Variants in SCTR observed in about 807,000 individuals in gnomAD.
The protein encoded by SCTR is pancreatic secretin receptor.
A neutral mutation model predicts 60.8 loss-of-function variants in SCTR; 56 were observed. The ratio of observed to expected loss-of-function variants is 0.92; its 90% CI spans 0.74 to 1.15. The LOEUF (loss-of-function observed/expected upper bound fraction) is 1.15, where lower values mean the gene tolerates loss of function less well. Ranked by LOEUF, SCTR falls within the 50% of genes most tolerant of loss-of-function variation. The pLI, the probability that SCTR is intolerant of heterozygous loss-of-function variation, is 0.00. For missense variants in SCTR, 562 were observed against 550.4 expected (o/e 1.02, Z -0.21); for synonymous variants, 202 against 217.0 (o/e 0.93, Z 0.61).
At chr2:119,513,954 G>C (rs1162467598) in intron 1 of SCTR, among the ~76,000 whole-genome samples, 1 of 152,146 alleles carries the variant, frequency 6.6e-6, no homozygotes, top group African/African-American at 2.4e-5. Flanking sequence ...ATAAAACTAT[G>C]GTAATTTTTT....
Position 119,524,427 on chromosome 2 carries a change from C to G in SCTR, c.-201G>C. 2.6e-6 allele frequency: 1 copy of G among 380,228 alleles called. No homozygotes were observed. The highest frequency in any genetic ancestry group is 6.9e-4 in the Middle Eastern group (1 of 1,448). The allele number at this position is 380,228 out of a possible 1,614,324, so 23.6% of individuals were successfully genotyped here. ...AGGTGGCCGCGCGCGCTAAGCCGCCCGCCCCATTGATCAGGACGCGGCTTT... is the reference window on the plus strand; with the variant it reads ...AGGTGGCCGCGCGCGCTAAGCCGCCGGCCCCATTGATCAGGACGCGGCTTT... On this transcript the variant is annotated 5_prime_UTR_variant, in exon 1 of 13. Transcript: ENST00000019103.
intron 2 of SCTR, among the ~76,000 whole-genome samples, chr2:119,488,525 AGATGACC>A (rs1343838102): frequency 2.6e-5 from 4 of 152,250 alleles, no homozygotes; most frequent in Non-Finnish European, 5.9e-5. Flanking sequence ...TAGGGAAGAA[AGATGACC>A]GATTCTGCTC....
At chr2:119,453,522 G>A (rs1001158295) in intron 7 of SCTR, among the ~76,000 whole-genome samples, 175 bp from the exon 8 acceptor site, 2 of 152,246 alleles carry the variant, frequency 1.3e-5, no homozygotes, top group African/African-American at 4.8e-5. Context: ...GGCACCATGT[G>A]CCTCAAGGGT....
chr2:119,482,134 C>T (rs983028517), intron 2 of SCTR, among the ~76,000 whole-genome samples: 2 of 152,214 alleles, frequency 1.3e-5, no homozygotes, highest in East Asian at 1.9e-4. Flanking sequence ...CAGGTGACAC[C>T]GGCCCCAGCT....
At position 119,494,624 on chromosome 2, in the gene SCTR, C is replaced by G. The variant is rs1164012990; in HGVS notation, c.73-76G>C. Reference sequence around the variant, plus strand: ...CCACATGGGGGAGAATGGGGCAAGACAATGCAGATTCAATGGGGATTCAAG... The same window carrying G: ...CCACATGGGGGAGAATGGGGCAAGAGAATGCAGATTCAATGGGGATTCAAG... On this transcript the variant is annotated intron_variant, in intron 1 of 12. Transcript: ENST00000019103. The G allele has an allele frequency of 6.0e-6, 9 of 1,488,084 alleles. No homozygotes were observed. The East Asian group carries it at 2.1e-4, about 34-fold the overall frequency. The allele number at this position is 1,488,084 out of a possible 1,614,324, so 92.2% of individuals were successfully genotyped here.
chr2:119,475,375 G>T (rs1301194469), intron 3 of SCTR, among the ~76,000 whole-genome samples: 2 of 152,106 alleles, frequency 1.3e-5, no homozygotes, highest in African/African-American at 4.8e-5. Context: ...TGCCCGTTTG[G>T]GGCCCTCTCC....
intron 1 of SCTR, among the ~76,000 whole-genome samples, chr2:119,512,913 A>C (rs911290792): frequency 1.3e-5 from 2 of 152,188 alleles, no homozygotes; most frequent in African/African-American, 4.8e-5. Context: ...TCTTGTCTAC[A>C]TGATCTGTTT....
intron 1 of SCTR, among the ~76,000 whole-genome samples, chr2:119,514,618 G>A (rs1679054967): frequency 1.3e-5 from 2 of 152,152 alleles, no homozygotes; most frequent in South Asian, 4.1e-4. Context: ...GCTCACGGCT[G>A]CAATCCTAGC....
chr2:119,496,443 T>G (rs75938080), intron 1 of SCTR, among the ~76,000 whole-genome samples: 1 of 151,984 alleles, frequency 6.6e-6, no homozygotes, highest in Non-Finnish European at 1.5e-5. Flanking sequence ...ATATATAATA[T>G]AGAAAAAAAA....
At chr2:119,492,863 TTTATTTA>T (rs1205865162) in intron 2 of SCTR, among the ~76,000 whole-genome samples, 12 of 150,726 alleles carry the variant, frequency 8.0e-5, no homozygotes, top group Non-Finnish European at 1.6e-4. Flanking sequence ...TATTTATTTA[TTTATTTA>T]TTTATTTATT....
At position 119,481,320 on chromosome 2, in the gene SCTR, G is replaced by A. The variant is rs7559220; in HGVS notation, c.194-2402C>T. Among the ~76,000 whole-genome samples the A allele has an allele frequency of 8.8e-3, 1,336 of 152,280 alleles. 21 individuals are homozygous for A. The highest frequency in any genetic ancestry group is 0.031 in the African/African-American group (1,297 of 41,552). The stretch of plus-strand genomic sequence containing the variant: ...TCCTTGACCCCTTCATCCCCTCTAA[G>A]TGAAATCTCCCTGGTGACCTGTCCC... On this transcript the variant is annotated intron_variant, in intron 2 of 12. Transcript: ENST00000019103.
intron 9 of SCTR, among the ~76,000 whole-genome samples, chr2:119,449,934 G>T (rs1281139979): frequency 8.8e-6 from 1 of 113,314 alleles, no homozygotes; most frequent in East Asian, 3.0e-4. Context: ...AGCACTTGAA[G>T]ACAAAAAAAA....
chr2:119,479,283 A>G (rs1677488374), intron 2 of SCTR: 1 of 1,010,782 alleles, frequency 9.9e-7, no homozygotes, highest in Admixed American at 5.8e-5. Flanking sequence ...CTAAGCAGCA[A>G]TGGGTCTCCC....
chr2:119,496,713 C>A (rs768335683), intron 1 of SCTR, among the ~76,000 whole-genome samples: 2 of 152,102 alleles, frequency 1.3e-5, no homozygotes, highest in Admixed American at 6.5e-5. Flanking sequence ...ACAACCCCAG[C>A]AAATGCCTGA....
rs61479294 is a variant in SCTR, at chr2:119,503,158, CAAAAAA to C, written c.73-8616_73-8611del. Among the ~76,000 whole-genome samples the C allele has an allele frequency of 8.8e-3, 612 of 69,608 alleles. 14 individuals are homozygous for C. In the Admixed American group the frequency reaches 0.089, roughly 10 times the overall value. 45.7% of individuals were successfully genotyped at this position (69,608 alleles called of 152,430 possible). A position where few individuals can be genotyped will look rare whatever the true frequency, so the allele number is the denominator to read the frequency against. ...TGGGCGACAAAGCAAGACTCCATCT[CAAAAAA>C]AAAAAAAAAAAAATAGAAAAGAAAA... On this transcript the variant is annotated intron_variant, in intron 1 of 12. Coordinates refer to ENST00000019103, the MANE Select transcript of SCTR (RefSeq NM_002980.3).
At chr2:119,460,901 G>A (rs1310871296) in intron 7 of SCTR, among the ~76,000 whole-genome samples, 1 of 152,160 alleles carries the variant, frequency 6.6e-6, no homozygotes, top group African/African-American at 2.4e-5. Context: ...GTGTCTATGA[G>A]ATTCAAGCAG....
At chr2:119,504,305 A>G (rs1398800166) in intron 1 of SCTR, among the ~76,000 whole-genome samples, 5 of 152,204 alleles carry the variant, frequency 3.3e-5, no homozygotes, top group Non-Finnish European at 7.3e-5. Context: ...ATTTAAAAGC[A>G]TAGGAGCTCA....
intron 2 of SCTR, among the ~76,000 whole-genome samples, chr2:119,490,209 A>G (rs1425855893): frequency 2.6e-5 from 4 of 152,236 alleles, no homozygotes; most frequent in Non-Finnish European, 5.9e-5. Flanking sequence ...GCAGTCAGGT[A>G]GAGGGAAAGC....
At chr2:119,453,437 C>T (rs1683251475) in intron 7 of SCTR, 90 bp from the exon 8 acceptor site, 7 of 1,004,258 alleles carry the variant, frequency 7.0e-6, no homozygotes, top group Non-Finnish European at 1.1e-5. Context: ...TACCCCAGCC[C>T]AGCTACTGAG....
Sources: gnomAD v4.1 joint callset for allele counts (sites outside exome capture counted in the v4.1 genomes callset) on GRCh38, gnomAD v4.1.1 for gene constraint, MANE v1.5 for transcripts, NCBI Gene and HGNC (gene_info 2026-07-23, HGNC 2026-07-21) for gene names.